The following RPS6KA5 variants were observed in gnomAD, a reference collection of about 807,000 sequenced individuals.
RPS6KA5 encodes the protein ribosomal protein S6 kinase A5.
In RPS6KA5, 27 loss-of-function variants were observed where a neutral mutation model predicts 85.5. The observed-to-expected ratio is 0.32, with a 90% confidence interval of 0.23 to 0.44. The LOEUF is 0.44. RPS6KA5 is among the 20% of genes least tolerant of loss of function. RPS6KA5 has a pLI of 1.00. For missense variants in RPS6KA5, 811 were observed against 980.9 expected (o/e 0.83, Z 2.31); for synonymous variants, 334 against 348.2 (o/e 0.96, Z 0.46).
At chr14:90,901,568 G>A (rs1388783269) in intron 9 of RPS6KA5, among the ~76,000 whole-genome samples, 1 of 152,182 alleles carries the variant, frequency 6.6e-6, no homozygotes, top group Non-Finnish European at 1.5e-5. Context: ...TACAAAGACG[G>A]ATGATTAATC....
chr14:91,046,770 T>A (rs1293021591), intron 1 of RPS6KA5, among the ~76,000 whole-genome samples: 1 of 151,400 alleles, frequency 6.6e-6, no homozygotes, highest in African/African-American at 2.5e-5. Context: ...TGTTTATCAT[T>A]ACGTATTTTC....
At chr14:91,004,693 C>T (rs1302528333) in intron 1 of RPS6KA5, among the ~76,000 whole-genome samples, 3 of 152,024 alleles carry the variant, frequency 2.0e-5, no homozygotes, top group Non-Finnish European at 2.9e-5. Context: ...CCAGGCCGGG[C>T]GCGGTGGCTC....
chr14:90,986,944 A>G (rs114219675), intron 2 of RPS6KA5, among the ~76,000 whole-genome samples: 1,788 of 152,326 alleles, frequency 0.012, 20 homozygotes, highest in South Asian at 0.032. Context: ...TAAATCACAT[A>G]AATCCAAATC....
In RPS6KA5 at chr14:90,862,517, G is replaced by T. The variant is rs1241658827; in HGVS notation, c.*9557C>A. 1 of 151,474 alleles carries T rather than the reference G, an allele frequency of 6.6e-6. No homozygotes were observed. The highest frequency in any genetic ancestry group is 1.5e-5 in the Non-Finnish European group (1 of 67,986). 9.4% of individuals were successfully genotyped at this position (151,474 alleles called of 1,614,324 possible). A position where few individuals can be genotyped will look rare whatever the true frequency, so the allele number is the denominator to read the frequency against. Reference sequence around the variant, plus strand: ...GGCTCCTGCTCTGTTGCCCAGGTGGGAGTACAGTGGTACAATCTTGGTTCA... The same window carrying T: ...GGCTCCTGCTCTGTTGCCCAGGTGGTAGTACAGTGGTACAATCTTGGTTCA... On this transcript the variant is annotated 3_prime_UTR_variant, in exon 17 of 17. Transcript: ENST00000614987.
At position 90,873,671 on chromosome 14, in the gene RPS6KA5, G is replaced by C. The variant is rs142908236; in HGVS notation, c.2121C>G (p.Ser707=). ...TCACACAGGTATGCACGGCAGCTCC[G>C]GAAGATCCTAGAATATCCGGAGTCA... is the stretch of plus-strand genomic sequence containing the variant. ...PLMTPDILGS[S]GAAVHTCVKA... Residue 707 remains serine, a synonymous_variant, in exon 16 of 17, where the codon TCC becomes TCG. Transcript: ENST00000614987. 3.7e-6 allele frequency: 6 copies of C among 1,614,112 alleles called. No individual in the cohort carries two copies. The highest frequency in any genetic ancestry group is 1.7e-6 in the Non-Finnish European group (2 of 1,180,000).
chr14:90,884,564 A>G (rs2034065878), intron 14 of RPS6KA5, among the ~76,000 whole-genome samples: 1 of 152,234 alleles, frequency 6.6e-6, no homozygotes, highest in Admixed American at 6.5e-5. Flanking sequence ...TTACTGTCCA[A>G]GCCTTTCCCT....
chr14:90,994,748 G>A (rs1439773006), intron 2 of RPS6KA5, among the ~76,000 whole-genome samples: 2 of 149,044 alleles, frequency 1.3e-5, no homozygotes, highest in African/African-American at 4.9e-5. Context: ...ATTTTTTTTT[G>A]TTTTTAGTAG....
intron 3 of RPS6KA5, among the ~76,000 whole-genome samples, chr14:90,973,759 G>A (rs145275188): frequency 1.3e-5 from 2 of 152,066 alleles, no homozygotes; most frequent in African/African-American, 2.4e-5. Flanking sequence ...GTATCAGGGC[G>A]GGCGTGGTGG....
chr14:90,967,165 A>G (rs896258552), intron 3 of RPS6KA5, among the ~76,000 whole-genome samples: 1 of 152,224 alleles, frequency 6.6e-6, no homozygotes, highest in African/African-American at 2.4e-5. Context: ...ACAATGGAAT[A>G]CCTTATATGA....
At chr14:90,904,499 AC>A (rs1455011219) in intron 8 of RPS6KA5, among the ~76,000 whole-genome samples, 1 of 152,216 alleles carries the variant, frequency 6.6e-6, no homozygotes, top group African/African-American at 2.4e-5. Flanking sequence ...CAGGATTTGA[AC>A]ACAGTCTCTT....
At chr14:90,879,783 T>G (rs959775710) in intron 14 of RPS6KA5, among the ~76,000 whole-genome samples, 4,540 of 27,526 alleles carry the variant, frequency 0.16, 201 homozygotes, top group African/African-American at 0.49. Context: ...CACTCCTAAT[T>G]TTTTTTTTTT....
chr14:91,041,015 G>A (rs531301504), intron 1 of RPS6KA5, among the ~76,000 whole-genome samples: 1 of 152,252 alleles, frequency 6.6e-6, no homozygotes, highest in Non-Finnish European at 1.5e-5. Flanking sequence ...AAAAACTAGT[G>A]GAAGGAGGGA....
intron 5 of RPS6KA5, among the ~76,000 whole-genome samples, chr14:90,935,267 T>C (rs2037196806): frequency 6.6e-6 from 1 of 152,106 alleles, no homozygotes; most frequent in African/African-American, 2.4e-5. Flanking sequence ...AGGCATTTAT[T>C]AGAGAAAGAT....
At position 90,851,862 on chromosome 14, in the gene RPS6KA5, C is replaced by CTT. The variant is rs1799011623; in HGVS notation, c.*20211_*20212insAA. The CTT allele has an allele frequency of 6.6e-6, 1 of 152,304 alleles. No individual in the cohort carries two copies. Among genetic ancestry groups the CTT allele is most frequent in the African/African-American group, 2.4e-5 (1 of 41,558 alleles). The allele number at this position is 152,304 out of a possible 1,614,324, so 9.4% of individuals were successfully genotyped here. ...GCTTTATCTTTCATGGCTCAGTTCT[C>CTT]ACAAGAGGCTCACTGTACAAGGTCC... On this transcript the variant is annotated 3_prime_UTR_variant, in exon 17 of 17. Transcript: ENST00000614987.
chr14:90,890,803 G>A (rs1400445468), intron 13 of RPS6KA5, 125 bp from the exon 14 acceptor site: 5 of 742,150 alleles, frequency 6.7e-6, no homozygotes, highest in East Asian at 5.4e-5. Flanking sequence ...ATGGGGAGGC[G>A]CGAGGGCAGG....
At chr14:90,921,999 T>C (rs2036423243) in intron 6 of RPS6KA5, among the ~76,000 whole-genome samples, 1 of 152,148 alleles carries the variant, frequency 6.6e-6, no homozygotes, top group Non-Finnish European at 1.5e-5. Context: ...AGAATCTTCA[T>C]TTTGCACATA....
At chr14:91,046,001 G>T (rs1218398134) in intron 1 of RPS6KA5, among the ~76,000 whole-genome samples, 2 of 152,000 alleles carry the variant, frequency 1.3e-5, no homozygotes, top group Admixed American at 1.3e-4. Context: ...TTGTTTCCCC[G>T]CTCTTCACCC....
chr14:90,920,058 C>G, intron 7 of RPS6KA5, 148 bp downstream of exon 7: 1 of 681,518 alleles, frequency 1.5e-6, no homozygotes, highest in Non-Finnish European at 2.7e-6. Context: ...TATCTATATG[C>G]CATATGATAG....
intron 13 of RPS6KA5, 61 bp downstream of exon 13, chr14:90,894,352 T>C: frequency 7.0e-7 from 1 of 1,431,506 alleles, no homozygotes; most frequent in Non-Finnish European, 9.2e-7. Context: ...TCCCCCATGT[T>C]TGGGAGATCT....
Sources: gnomAD v4.1 joint callset for allele counts (sites outside exome capture counted in the v4.1 genomes callset) on GRCh38, gnomAD v4.1.1 for gene constraint, MANE v1.5 for transcripts, NCBI Gene and HGNC (gene_info 2026-07-23, HGNC 2026-07-21) for gene names.